The following BFSP2 variants were observed in gnomAD, a reference collection of about 807,000 sequenced individuals.
The protein encoded by BFSP2 is beaded filament structural protein 2.
In BFSP2, 38 loss-of-function variants were observed where a neutral mutation model predicts 44.9. That is an observed-to-expected ratio of 0.85 (90% CI 0.65 to 1.11). The LOEUF (loss-of-function observed/expected upper bound fraction) is 1.11, where lower values mean the gene tolerates loss of function less well. Among genes scored for constraint, BFSP2 ranks in the 50% least tolerant of loss-of-function variants. The probability of loss-of-function intolerance (pLI) is 0.00; values close to 1 mark genes in which losing one functional copy is unlikely to be tolerated. For missense variants in BFSP2, 525 were observed against 533.0 expected, an observed-to-expected ratio of 0.99 and a Z score of 0.15; for synonymous variants, 197 against 209.9, an observed-to-expected ratio of 0.94 and a Z score of 0.53.
chr3:133,464,956 T>C (rs191679154), intron 4 of BFSP2, among the ~76,000 whole-genome samples: 1 of 152,128 alleles, frequency 6.6e-6, no homozygotes, highest in Admixed American at 6.5e-5. Flanking sequence ...ACAGTAAGAA[T>C]TGGAGGTGCT....
chr3:133,437,779 G>C (rs535905387), intron 1 of BFSP2, among the ~76,000 whole-genome samples: 1 of 152,294 alleles, frequency 6.6e-6, no homozygotes, highest in South Asian at 2.1e-4. Context: ...GCCCTGGAGA[G>C]GGAGCACCGT....
chr3:133,472,638 AC>A, intron 6 of BFSP2, 73 bp downstream of exon 6: 3 of 1,524,272 alleles, frequency 2.0e-6, no homozygotes, highest in Non-Finnish European at 2.7e-6. Flanking sequence ...TTTTCCAAAC[AC>A]TGTAGAAGTA....
In BFSP2 at chr3:133,430,114, C is replaced by T. The variant is rs570759288; in HGVS notation, c.490-17203C>T. On this transcript the variant is annotated intron_variant, in intron 1 of 6. Coordinates refer to ENST00000302334, the MANE Select transcript of BFSP2 (RefSeq NM_003571.4). ...CCTTTTTTATGGCTGCATAGTATTC[C>T]ATAGTGTATATGTGCCACATTTTCT... Among the ~76,000 whole-genome samples, 356 of 151,986 alleles carry T rather than the reference C, an allele frequency of 2.3e-3. 3 individuals carry two copies. The highest frequency in any genetic ancestry group is 8.2e-3 in the African/African-American group (340 of 41,348).
intron 1 of BFSP2, among the ~76,000 whole-genome samples, chr3:133,411,463 C>T (rs1352276190): frequency 2.6e-5 from 4 of 152,116 alleles, no homozygotes; most frequent in African/African-American, 7.2e-5. Context: ...ATGACCTTCA[C>T]AAAATGCGAC....
chr3:133,419,908 G>A (rs1372596317), intron 1 of BFSP2, among the ~76,000 whole-genome samples: 2 of 152,208 alleles, frequency 1.3e-5, no homozygotes, highest in Non-Finnish European at 2.9e-5. Context: ...CTCCGGCTCC[G>A]CCAAACCACT....
chr3:133,419,848 G>A (rs2073576565), intron 1 of BFSP2, among the ~76,000 whole-genome samples: 1 of 152,234 alleles, frequency 6.6e-6, no homozygotes, highest in Non-Finnish European at 1.5e-5. Context: ...AGCACTCAAG[G>A]CAGAATGACT....
At chr3:133,404,058 C>A (rs2073384237) in intron 1 of BFSP2, among the ~76,000 whole-genome samples, 1 of 152,100 alleles carries the variant, frequency 6.6e-6, no homozygotes, top group Non-Finnish European at 1.5e-5. Flanking sequence ...TCCATGGGTG[C>A]ACCACCAGTG....
chr3:133,456,315 G>A (rs2074012521), intron 4 of BFSP2, among the ~76,000 whole-genome samples: 1 of 152,186 alleles, frequency 6.6e-6, no homozygotes. Flanking sequence ...GAAATGAATT[G>A]TGAGGTTTCT....
At chr3:133,448,784 T>A in intron 3 of BFSP2, 139 bp downstream of exon 3, 1 of 1,141,678 alleles carries the variant, frequency 8.8e-7, no homozygotes, top group Non-Finnish European at 1.3e-6. Context: ...AACATACCTG[T>A]AAAATACTTT....
At chr3:133,448,328 G>A (rs2073922557) in intron 2 of BFSP2, among the ~76,000 whole-genome samples, 161 bp from the exon 3 acceptor site, 1 of 152,178 alleles carries the variant, frequency 6.6e-6, no homozygotes, top group African/African-American at 2.4e-5. Context: ...ATAAATCAAT[G>A]TGTGACAACT....
intron 4 of BFSP2, among the ~76,000 whole-genome samples, chr3:133,461,283 T>C (rs2074059384): frequency 6.6e-6 from 1 of 152,188 alleles, no homozygotes; most frequent in Non-Finnish European, 1.5e-5. Context: ...TCTCACATCC[T>C]TCATGTGCAA....
chr3:133,419,633 A>T (rs1228553652), intron 1 of BFSP2, among the ~76,000 whole-genome samples: 1 of 152,162 alleles, frequency 6.6e-6, no homozygotes, highest in African/African-American at 2.4e-5. Flanking sequence ...AGGGTGATTG[A>T]TCCTTCTGCA....
chr3:133,448,962 G>GTTT, intron 3 of BFSP2: 1 of 319,890 alleles, frequency 3.1e-6, no homozygotes. Context: ...TCTATGTCAG[G>GTTT]TTTTTTTTTC....
At position 133,400,494 on chromosome 3, in the gene BFSP2, G is replaced by A. The variant is rs746162167; in HGVS notation, c.411G>A (p.Arg137=). The change falls in exon 1 of 7, where the codon CGG becomes CGA. Residue 137 remains arginine (R), a synonymous_variant. Coordinates refer to ENST00000302334, the MANE Select transcript of BFSP2 (RefSeq NM_003571.4). This position sits in a 1 kb window ranked among gnomAD's most constrained non-coding sequence, Gnocchi z 4.0. ...QVSQELETQL[R]MHLESKATRS... ...GTCAGGAGCTGGAAACACAACTGCG[G>A]ATGCACCTGGAGAGCAAAGCCACAC... The A allele has an allele frequency of 6.2e-7, 1 of 1,614,002 alleles. No individual in the cohort carries two copies. The highest frequency in any genetic ancestry group is 1.1e-5 in the South Asian group (1 of 91,082).
chr3:133,439,938 G>A (rs1209922306), intron 1 of BFSP2, among the ~76,000 whole-genome samples: 1 of 152,060 alleles, frequency 6.6e-6, no homozygotes, highest in Non-Finnish European at 1.5e-5. Context: ...CAGAGAGAGA[G>A]AGAGAGAAAG....
chr3:133,414,915 G>A, intron 1 of BFSP2, among the ~76,000 whole-genome samples: 1 of 65,000 alleles, frequency 1.5e-5, no homozygotes, highest in Non-Finnish European at 3.0e-5. Flanking sequence ...ACTCACTCCT[G>A]CCCTGTCCCC....
At chr3:133,437,350 C>A (rs573743881) in intron 1 of BFSP2, among the ~76,000 whole-genome samples, 9 of 152,074 alleles carry the variant, frequency 5.9e-5, no homozygotes, top group Non-Finnish European at 1.3e-4. Context: ...ATGGAGAAAC[C>A]CTGTCTCTAC....
intron 1 of BFSP2, among the ~76,000 whole-genome samples, chr3:133,433,921 G>A (rs2073755037): frequency 6.6e-6 from 1 of 152,176 alleles, no homozygotes; most frequent in African/African-American, 2.4e-5. Context: ...TTAGGCCCCA[G>A]TCTCTTTCCA....
At chr3:133,445,971 G>T (rs1328277477) in intron 1 of BFSP2, among the ~76,000 whole-genome samples, 2 of 152,322 alleles carry the variant, frequency 1.3e-5, no homozygotes, top group East Asian at 3.9e-4. Flanking sequence ...TGAATGAGTT[G>T]CAAGTTCTTT....
Sources: allele counts gnomAD v4.1 joint callset (sites outside exome capture counted in the v4.1 genomes callset), GRCh38; gene constraint gnomAD v4.1.1; non-coding constraint Gnocchi (gnomAD v3.1); transcripts MANE v1.5; gene names NCBI Gene and HGNC (gene_info 2026-07-23, HGNC 2026-07-21).